Variants in DPP10 observed in about 807,000 individuals in gnomAD.
The protein encoded by DPP10 is dipeptidyl peptidase like 10, also known as inactive dipeptidyl peptidase 10.
Under a neutral mutation model 120.9 loss-of-function variants are expected in DPP10, and 33 were observed. That is an observed-to-expected ratio of 0.27 (90% CI 0.21 to 0.37). The LOEUF is 0.37. Ranked by LOEUF, DPP10 falls within the 10% of genes least tolerant of loss-of-function variation. DPP10 has a pLI of 1.00. For missense variants in DPP10, 816 were observed against 942.8 expected (o/e 0.87, Z 1.76); for synonymous variants, 337 against 326.1 (o/e 1.03, Z -0.36).
At chr2:114,720,931 A>G (rs1701664798) in intron 1 of DPP10, among the ~76,000 whole-genome samples, 1 of 152,206 alleles carries the variant, frequency 6.6e-6, no homozygotes, top group African/African-American at 2.4e-5. Flanking sequence ...TGGAGAATGC[A>G]AAGCTGTATA....
intron 1 of DPP10, among the ~76,000 whole-genome samples, chr2:115,262,171 A>G (rs527626734): frequency 6.6e-6 from 1 of 152,250 alleles, no homozygotes; most frequent in African/African-American, 2.4e-5. Context: ...AAGAGGGCAC[A>G]TATTAATTCA....
At position 115,516,094 on chromosome 2, in the gene DPP10, T is replaced by G. The variant is rs371636179; in HGVS notation, c.367-9804T>G. Among the ~76,000 whole-genome samples the G allele has an allele frequency of 2.6e-4, 40 of 152,130 alleles. No individual in the cohort carries two copies. In the South Asian group the frequency reaches 8.1e-3, roughly 31 times the overall value. On this transcript the variant is annotated intron_variant, in intron 4 of 25. Coordinates refer to ENST00000410059, the MANE Select transcript of DPP10 (RefSeq NM_020868.6). ...TGGATTTGGGCCATAAAAATGCAAG[T>G]TTAGTGCATGACAACTCAACTAGTG...
intron 3 of DPP10, among the ~76,000 whole-genome samples, chr2:115,402,842 GAAA>G (rs1553584302): frequency 5.5e-4 from 21 of 38,494 alleles, no homozygotes; most frequent in South Asian, 9.6e-4. Flanking sequence ...ACACTACAAG[GAAA>G]AAAAAAAAAA....
chr2:115,431,619 C>G (rs937583941), intron 3 of DPP10, among the ~76,000 whole-genome samples: 1 of 152,106 alleles, frequency 6.6e-6, no homozygotes, highest in Non-Finnish European at 1.5e-5. Flanking sequence ...CTCACATCTC[C>G]GCTAGCCCTC....
At chr2:114,823,069 C>T (rs1432811723) in intron 1 of DPP10, among the ~76,000 whole-genome samples, 1 of 152,178 alleles carries the variant, frequency 6.6e-6, no homozygotes, top group Non-Finnish European at 1.5e-5. Flanking sequence ...TTTACAGCAG[C>T]ACCCTACTCT....
intron 1 of DPP10, among the ~76,000 whole-genome samples, chr2:114,466,942 G>A (rs968883975): frequency 1.2e-4 from 18 of 151,710 alleles, no homozygotes; most frequent in African/African-American, 2.4e-4. Context: ...CAGCTACTCC[G>A]GAAGCACAAA....
intron 1 of DPP10, among the ~76,000 whole-genome samples, chr2:115,219,570 C>T (rs1192089770): frequency 6.6e-6 from 1 of 152,114 alleles, no homozygotes; most frequent in Non-Finnish European, 1.5e-5. Context: ...ATAAAAGGTG[C>T]TGTACTTATC....
chr2:115,382,311 A>T (rs1390611579), intron 3 of DPP10, among the ~76,000 whole-genome samples: 2 of 151,928 alleles, frequency 1.3e-5, no homozygotes, highest in African/African-American at 4.8e-5. Flanking sequence ...GGTGGGAGTG[A>T]CCTGATTTTC....
intron 24 of DPP10, among the ~76,000 whole-genome samples, chr2:115,838,052 A>G (rs749044926): frequency 1.3e-5 from 2 of 152,144 alleles, no homozygotes; most frequent in African/African-American, 2.4e-5. Context: ...TCTATTTGTG[A>G]CAAAGTATAT....
intron 1 of DPP10, among the ~76,000 whole-genome samples, chr2:115,119,653 A>C (rs1464691385): frequency 1.3e-5 from 2 of 152,184 alleles, no homozygotes; most frequent in African/African-American, 2.4e-5. Context: ...AGTGGTATCC[A>C]GCTAGGTCCA....
At chr2:115,308,220 G>C (rs984633081) in intron 1 of DPP10, among the ~76,000 whole-genome samples, 4 of 152,020 alleles carry the variant, frequency 2.6e-5, no homozygotes, top group Admixed American at 1.3e-4. Flanking sequence ...TTTCTATTCT[G>C]TTTATATTTG....
chr2:115,138,030 A>C, intron 1 of DPP10, among the ~76,000 whole-genome samples: 1 of 152,226 alleles, frequency 6.6e-6, no homozygotes, highest in East Asian at 1.9e-4. Flanking sequence ...GGGGATGCAT[A>C]ACACTGTATT....
intron 1 of DPP10, among the ~76,000 whole-genome samples, chr2:115,036,080 G>T (rs1704208568): frequency 6.6e-6 from 1 of 152,186 alleles, no homozygotes; most frequent in Non-Finnish European, 1.5e-5. Flanking sequence ...CCACAGTTCT[G>T]CATGGCTGGG....
intron 3 of DPP10, among the ~76,000 whole-genome samples, chr2:115,390,940 A>G (rs1237010395): frequency 1.3e-5 from 2 of 152,144 alleles, no homozygotes; most frequent in Admixed American, 6.5e-5. Context: ...CTAACTGGTA[A>G]CCTACACATA....
intron 5 of DPP10, among the ~76,000 whole-genome samples, chr2:115,587,684 A>G (rs995723093): frequency 2.6e-5 from 4 of 152,206 alleles, no homozygotes; most frequent in Non-Finnish European, 5.9e-5. Flanking sequence ...AATGTAGTCT[A>G]TGTATATACA....
intron 7 of DPP10, among the ~76,000 whole-genome samples, chr2:115,707,423 C>A (rs1028190215): frequency 2.6e-5 from 1 of 37,984 alleles, no homozygotes; most frequent in African/African-American, 1.3e-4. Flanking sequence ...ACAAATTTTA[C>A]ACACACACAC....
At chr2:115,771,994 G>T (rs1681529403) in intron 13 of DPP10, among the ~76,000 whole-genome samples, 1 of 150,960 alleles carries the variant, frequency 6.6e-6, no homozygotes. Context: ...ATATATTTTA[G>T]TGGGTTTTTT....
At chr2:114,941,017 G>A (rs954122989) in intron 1 of DPP10, among the ~76,000 whole-genome samples, 5 of 152,100 alleles carry the variant, frequency 3.3e-5, no homozygotes, top group Non-Finnish European at 5.9e-5. Context: ...ACCCAGGGAA[G>A]GCCACACACT....
rs138997257 is a variant in DPP10 at position 114,992,357 on chromosome 2, C to T, written c.61-316882C>T. Among the ~76,000 whole-genome samples the T allele has an allele frequency of 1.1e-3, 166 of 152,294 alleles. 1 individual carries two copies. In the East Asian group the frequency reaches 0.028, roughly 26 times the overall value. ...AGCCACCCCAGCTCCCCATTCAGAG[C>T]TCCCTAGTGGGAAGCTGTTGAGCCT... On this transcript the variant is annotated intron_variant, in intron 1 of 25. Transcript: ENST00000410059.
Sources: allele counts gnomAD v4.1 joint callset (sites outside exome capture counted in the v4.1 genomes callset), GRCh38; gene constraint gnomAD v4.1.1; transcripts MANE v1.5; gene names NCBI Gene and HGNC (gene_info 2026-07-23, HGNC 2026-07-21).